DNAH11: variants seen among roughly 807,000 people sequenced by gnomAD.
The protein encoded by DNAH11 is dynein axonemal heavy chain 11.
DNAH11 carries 442 observed loss-of-function variants against 526.0 expected under a neutral mutation model. The ratio of observed to expected loss-of-function variants is 0.84; its 90% CI spans 0.78 to 0.91. The LOEUF (loss-of-function observed/expected upper bound fraction) is 0.91, where lower values mean the gene tolerates loss of function less well. Among genes scored for constraint, DNAH11 ranks in the 40% least tolerant of loss-of-function variants. The pLI is 0.00. For missense variants in DNAH11, 6,989 were observed against 5,448.7 expected, an observed-to-expected ratio of 1.28 and a Z score of -8.90; for synonymous variants, 2,461 against 1,935.9, an observed-to-expected ratio of 1.27 and a Z score of -7.12.
chr7:21,619,959 A>G lies in DNAH11; in HGVS notation c.4381A>G (p.Ile1461Val), dbSNP rs775456789. Reference protein sequence around the residue: ...AVKELGTEKVITEISQTWATM... With the variant: ...AVKELGTEKVVTEISQTWATM... ...TAATTATATTGTTGATTACTAGGTT[A>G]TTACTGAAATCAGTCAGACCTGGGC... Residue 1461 changes from isoleucine (I) to valine (V), a missense_variant, in exon 25 of 82, where the codon ATT becomes GTT. Physicochemically the swap from Ile to Val is conservative, Grantham distance 29. Coordinates refer to ENST00000409508, the MANE Select transcript of DNAH11 (RefSeq NM_001277115.2). 2.8e-5 allele frequency: 44 copies of G among 1,598,376 alleles called. No homozygotes were observed. The highest frequency in any genetic ancestry group is 3.7e-5 in the Non-Finnish European group (43 of 1,174,576).
chr7:21,790,489 G>T (rs78642945), intron 61 of DNAH11, among the ~76,000 whole-genome samples: 1,799 of 152,220 alleles, frequency 0.012, 40 homozygotes, highest in African/African-American at 0.041. Context: ...AATGAATATT[G>T]TATGTACTAC....
At chr7:21,739,256 GC>G (rs1241388711) in intron 47 of DNAH11, among the ~76,000 whole-genome samples, 3 of 152,312 alleles carry the variant, frequency 2.0e-5, no homozygotes, top group Admixed American at 2.0e-4. Flanking sequence ...TACAGGGACA[GC>G]CCCCAGCACA....
intron 73 of DNAH11, 72 bp downstream of exon 73, chr7:21,869,063 A>G: frequency 6.3e-7 from 1 of 1,596,008 alleles, no homozygotes; most frequent in Non-Finnish European, 8.5e-7. Context: ...TGGCCCGCCC[A>G]ACAGAATGCT....
intron 35 of DNAH11, among the ~76,000 whole-genome samples, chr7:21,691,400 G>A (rs1045079523): frequency 9.2e-5 from 14 of 151,562 alleles, no homozygotes; most frequent in East Asian, 5.9e-4. Context: ...TGTCCTCCCA[G>A]CCTGGTCCCA....
intron 67 of DNAH11, among the ~76,000 whole-genome samples, chr7:21,853,235 G>A (rs982091729): frequency 2.6e-5 from 4 of 152,260 alleles, no homozygotes; most frequent in South Asian, 2.1e-4. Flanking sequence ...ACAGATGACC[G>A]TTAACCCTTA....
chr7:21,725,130 G>A (rs1451222178), intron 44 of DNAH11, among the ~76,000 whole-genome samples: 1 of 152,236 alleles, frequency 6.6e-6, no homozygotes, highest in Non-Finnish European at 1.5e-5. Context: ...AAGAGAGCCT[G>A]TTCCTTGCCA....
chr7:21,665,485 A>G (rs144935835), intron 30 of DNAH11, among the ~76,000 whole-genome samples: 74 of 152,234 alleles, frequency 4.9e-4, no homozygotes, highest in African/African-American at 1.8e-3. Context: ...TTACCTTCCC[A>G]ATATCAGTGT....
intron 21 of DNAH11, among the ~76,000 whole-genome samples, 196 bp from the exon 22 acceptor site, chr7:21,616,013 A>G (rs930489949): frequency 6.6e-6 from 1 of 152,208 alleles, no homozygotes; most frequent in Admixed American, 6.5e-5. Flanking sequence ...ATAATGTTTT[A>G]GCCTTTAGCT....
rs375048818 is a variant in DNAH11, at chr7:21,622,140, C to T, written c.4500+2062C>T. On this transcript the variant is annotated intron_variant, in intron 25 of 81. Coordinates refer to ENST00000409508, the MANE Select transcript of DNAH11 (RefSeq NM_001277115.2). ...GCAAAGTCTCAGGATACAAAATCAA[C>T]GTACAAAAATCACAAGCATTCTTAT... 4.9e-3 allele frequency among the ~76,000 whole-genome samples: 736 copies of T among 150,126 alleles called. 15 individuals are homozygous for T. The highest frequency in any genetic ancestry group is 0.026 in the Admixed American group (399 of 15,080).
chr7:21,752,154 A>G (rs1786442848), intron 54 of DNAH11, among the ~76,000 whole-genome samples: 1 of 152,254 alleles, frequency 6.6e-6, no homozygotes, highest in South Asian at 2.1e-4. Context: ...CATTGTTATA[A>G]ATAGTGCTAG....
At chr7:21,690,944 G>C in intron 35 of DNAH11, 63 bp downstream of exon 35, 1 of 1,240,784 alleles carries the variant, frequency 8.1e-7, no homozygotes, top group Non-Finnish European at 1.2e-6. Flanking sequence ...TTGTTGGTTT[G>C]CACTGTTAAG....
intron 63 of DNAH11, among the ~76,000 whole-genome samples, chr7:21,808,476 C>T (rs1015291228): frequency 2.6e-5 from 4 of 152,124 alleles, no homozygotes; most frequent in East Asian, 1.9e-4. Context: ...AGTACTGGCA[C>T]TTATTTCTTC....
chr7:21,600,781 A>G lies in DNAH11; in HGVS notation c.3106A>G (p.Thr1036Ala). 1.9e-6 allele frequency: 3 copies of G among 1,613,760 alleles called. No individual in the cohort carries two copies. Among genetic ancestry groups the G allele is most frequent in the Non-Finnish European group, 2.5e-6 (3 of 1,179,810 alleles). ...KVLDFRNTLE[T>A]HTYLWVDDRA... ...CTTAGATTTCAGAAACACCCTGGAGACCCACACTTACCTCTGGGTGGATGA... is the reference window on the plus strand; with the variant it reads ...CTTAGATTTCAGAAACACCCTGGAGGCCCACACTTACCTCTGGGTGGATGA... The change falls in exon 16 of 82, where the codon ACC becomes GCC. Residue 1036 changes from threonine to alanine, a missense_variant. Physicochemically the swap from Thr to Ala is moderately conservative, Grantham distance 58 (BLOSUM62 0). Coordinates refer to ENST00000409508, the MANE Select transcript of DNAH11 (RefSeq NM_001277115.2).
At chr7:21,836,405 T>C (rs988332118) in intron 65 of DNAH11, among the ~76,000 whole-genome samples, 1 of 151,980 alleles carries the variant, frequency 6.6e-6, no homozygotes, top group African/African-American at 2.4e-5. Context: ...AACAAACACA[T>C]AGACAGATGA....
At chr7:21,696,807 G>C (rs941837212) in intron 35 of DNAH11, among the ~76,000 whole-genome samples, 1 of 152,194 alleles carries the variant, frequency 6.6e-6, no homozygotes, top group East Asian at 1.9e-4. Flanking sequence ...TAAGAGGAGT[G>C]GGTACCTCAT....
At position 21,687,172 on chromosome 7, in the gene DNAH11, A is replaced by G. The variant is rs1190944498; in HGVS notation, c.5695A>G (p.Lys1899Glu). 7 of 1,612,970 alleles carry G rather than the reference A, an allele frequency of 4.3e-6. No homozygotes were observed. The highest frequency in any genetic ancestry group is 5.9e-6 in the Non-Finnish European group (7 of 1,179,488). The change falls in exon 33 of 82, where the codon AAA becomes GAA. Residue 1899 changes from lysine to glutamate, a missense_variant. Coordinates refer to ENST00000409508, the MANE Select transcript of DNAH11 (RefSeq NM_001277115.2). The part of the protein sequence containing the change: ...GAPAGPAGTG[K>E]TETTKDLGRA... ...TCCTGCTGGCCCAGCTGGTACCGGG[A>G]AAACAGAGACCACCAAAGACCTAGG... is the stretch of plus-strand genomic sequence containing the variant.
In DNAH11 at chr7:21,798,318, A is replaced by G. The variant is rs372399137; in HGVS notation, c.10027-2819A>G. Among the ~76,000 whole-genome samples the G allele has an allele frequency of 8.3e-4, 127 of 152,324 alleles. 1 individual carries two copies. The highest frequency in any genetic ancestry group is 2.8e-3 in the African/African-American group (117 of 41,584). On this transcript the variant is annotated intron_variant, in intron 61 of 81. Transcript: ENST00000409508. ...ACCCTGCTGGCCAAGCCGATCTTGAAGTCCTGACCTCAGGTGATCCACCTG... is the reference window on the plus strand; with the variant it reads ...ACCCTGCTGGCCAAGCCGATCTTGAGGTCCTGACCTCAGGTGATCCACCTG...
intron 61 of DNAH11, among the ~76,000 whole-genome samples, chr7:21,791,347 T>C (rs1442754662): frequency 6.6e-6 from 1 of 152,238 alleles, no homozygotes; most frequent in Non-Finnish European, 1.5e-5. Flanking sequence ...CTGCATTGGA[T>C]GCACTCAGGT....
chr7:21,881,389 C>G (rs1391755057), intron 75 of DNAH11, among the ~76,000 whole-genome samples: 1 of 152,174 alleles, frequency 6.6e-6, no homozygotes, highest in Non-Finnish European at 1.5e-5. Flanking sequence ...CTTGTTGTGA[C>G]TTTCTCAGTA....
Sources: allele counts gnomAD v4.1 joint callset (sites outside exome capture counted in the v4.1 genomes callset), GRCh38; gene constraint gnomAD v4.1.1; transcripts MANE v1.5; gene names NCBI Gene and HGNC (gene_info 2026-07-23, HGNC 2026-07-21).